The following FAM168B variants were observed in gnomAD, a reference collection of about 807,000 sequenced individuals.
FAM168B encodes myelin-associated neurite-outgrowth inhibitor.
In FAM168B, 19 loss-of-function variants were observed where a neutral mutation model predicts 21.8. The observed-to-expected ratio is 0.87, with a 90% confidence interval of 0.61 to 1.28. FAM168B has a LOEUF of 1.28. Ranked by LOEUF, FAM168B falls within the 50% of genes most tolerant of loss-of-function variation. FAM168B has a pLI of 0.00. For missense variants in FAM168B, 233 were observed against 263.1 expected (o/e 0.89, Z 0.79); for synonymous variants, 126 against 104.8 (o/e 1.20, Z -1.24).
intron 1 of FAM168B, 25 bp from the exon 2 acceptor site, chr2:131,082,682 G>A: frequency 6.6e-7 from 1 of 1,513,724 alleles, no homozygotes; most frequent in Non-Finnish European, 9.0e-7. Context: ...AGGGAATTTA[G>A]CCAAGCACTT....
chr2:131,051,808 G>T lies in FAM168B; in HGVS notation c.*657C>A. On this transcript the variant is annotated 3_prime_UTR_variant, in exon 7 of 7. Transcript: ENST00000389915. ...ACTCCACCAAGCCTAAACTCAAAGG[G>T]ATGTCCATGAACCAGCTGCACCCAA... 1.0e-6 allele frequency: 1 copy of T among 985,360 alleles called. No individual in the cohort carries two copies. The highest frequency in any genetic ancestry group is 1.2e-6 in the Non-Finnish European group (1 of 829,940). 61.0% of individuals were successfully genotyped at this position (985,360 alleles called of 1,614,324 possible). A position where few individuals can be genotyped will look rare whatever the true frequency, so the allele number is the denominator to read the frequency against.
chr2:131,082,267 C>T (rs1693462753), intron 2 of FAM168B, among the ~76,000 whole-genome samples: 1 of 152,152 alleles, frequency 6.6e-6, no homozygotes, highest in South Asian at 2.1e-4. Flanking sequence ...TGAGGGACTA[C>T]TGGGAGGGGC....
rs569149527 is a variant in FAM168B at position 131,065,055 on chromosome 2, T to C, written c.154+6800A>G. On this transcript the variant is annotated intron_variant, in intron 3 of 6. Transcript: ENST00000389915. ...CAGAAGACACAGCCGTGAACAGTGC[T>C]GATGCGGCCACAATAATAGAACTGT... Among the ~76,000 whole-genome samples the C allele has an allele frequency of 5.3e-5, 8 of 152,306 alleles. No individual in the cohort carries two copies. In the East Asian group the frequency reaches 1.2e-3, roughly 22 times the overall value.
chr2:131,091,641 C>T (rs1226003961), intron 1 of FAM168B, among the ~76,000 whole-genome samples: 1 of 150,620 alleles, frequency 6.6e-6, no homozygotes, highest in Non-Finnish European at 1.5e-5. Flanking sequence ...AGCGACACTC[C>T]GTCTCACAAA....
intron 2 of FAM168B, among the ~76,000 whole-genome samples, chr2:131,073,619 G>A (rs1185952684): frequency 6.6e-6 from 1 of 152,078 alleles, no homozygotes; most frequent in Admixed American, 6.6e-5. Flanking sequence ...ATCACAAGAG[G>A]ATAGAGCCCA....
At chr2:131,076,310 G>C (rs975055673) in intron 2 of FAM168B, among the ~76,000 whole-genome samples, 4 of 152,064 alleles carry the variant, frequency 2.6e-5, no homozygotes, top group Non-Finnish European at 4.4e-5. Context: ...GGCTGGAAAG[G>C]CCAGACTCCC....
At chr2:131,060,485 A>AT (rs1384883239) in intron 3 of FAM168B, among the ~76,000 whole-genome samples, 1 of 152,238 alleles carries the variant, frequency 6.6e-6, no homozygotes, top group Non-Finnish European at 1.5e-5. Flanking sequence ...ATTGAAAGAG[A>AT]TAAGAGACAT....
At chr2:131,064,624 A>T (rs964974931) in intron 3 of FAM168B, among the ~76,000 whole-genome samples, 16 of 152,232 alleles carry the variant, frequency 1.1e-4, no homozygotes, top group Admixed American at 4.6e-4. Context: ...GGAAAATCTC[A>T]AAATTGTGAC....
At position 131,093,408 on chromosome 2, in the gene FAM168B, T is replaced by G. The variant is rs1694140894; in HGVS notation, c.-206A>C. On this transcript the variant is annotated 5_prime_UTR_variant, in exon 1 of 7. Coordinates refer to ENST00000389915, the MANE Select transcript of FAM168B (RefSeq NM_001009993.4). ...TCGGCTCCGCTTGGCCCGGCCCGCC[T>G]CTCCGCAGCCCGCGCTCCCCGCCGA... The G allele has an allele frequency of 6.6e-6, 1 of 150,776 alleles. No homozygotes were observed. Among genetic ancestry groups the G allele is most frequent in the East Asian group, 2.0e-4 (1 of 5,098 alleles). The allele number at this position is 150,776 out of a possible 1,614,324, so 9.3% of individuals were successfully genotyped here. A position where few individuals can be genotyped will look rare whatever the true frequency, so the allele number is the denominator to read the frequency against.
intron 2 of FAM168B, among the ~76,000 whole-genome samples, chr2:131,080,196 T>G (rs192994262): frequency 6.6e-6 from 1 of 150,888 alleles, no homozygotes; most frequent in Non-Finnish European, 1.5e-5. Context: ...GAGAAAGCAA[T>G]GAAGAGCACC....
chr2:131,087,639 G>C (rs1693782637), intron 1 of FAM168B, among the ~76,000 whole-genome samples: 1 of 152,136 alleles, frequency 6.6e-6, no homozygotes, highest in Admixed American at 6.5e-5. Flanking sequence ...AGATGATTGT[G>C]GAGACACAGC....
At position 131,075,710 on chromosome 2, in the gene FAM168B, G is replaced by A. The variant is rs568184736; in HGVS notation, c.71-3772C>T. Among the ~76,000 whole-genome samples the A allele has an allele frequency of 3.3e-5, 5 of 152,042 alleles. No homozygotes were observed. The East Asian group carries it at 5.8e-4, about 18-fold the overall frequency. On this transcript the variant is annotated intron_variant, in intron 2 of 6. Coordinates refer to ENST00000389915, the MANE Select transcript of FAM168B (RefSeq NM_001009993.4). ...TCACCATGTTAGCCAGGATGGTCTC[G>A]ATCTACATACCTCGTGATCCGCCCA...
chr2:131,090,770 C>G (rs767003459), intron 1 of FAM168B, among the ~76,000 whole-genome samples: 1 of 152,046 alleles, frequency 6.6e-6, no homozygotes. Flanking sequence ...GCTTTGTTGC[C>G]CAGGCTGGAG....
intron 3 of FAM168B, 104 bp downstream of exon 3, chr2:131,071,751 C>T: frequency 1.0e-6 from 1 of 972,392 alleles, no homozygotes; most frequent in East Asian, 2.5e-5. Context: ...CTTGAGAAAT[C>T]GACTCAACCA....
chr2:131,067,815 T>C (rs1454260523), intron 3 of FAM168B, among the ~76,000 whole-genome samples: 1 of 152,006 alleles, frequency 6.6e-6, no homozygotes, highest in Non-Finnish European at 1.5e-5. Flanking sequence ...ACTTCTCTTT[T>C]AAATTTTTTA....
chr2:131,070,498 CAA>C, intron 3 of FAM168B, among the ~76,000 whole-genome samples: 1 of 152,260 alleles, frequency 6.6e-6, no homozygotes, highest in South Asian at 2.1e-4. Flanking sequence ...CAGTTTCTCA[CAA>C]AGTTAAATAT....
chr2:131,083,664 A>G (rs904574298), intron 1 of FAM168B, among the ~76,000 whole-genome samples: 1 of 152,284 alleles, frequency 6.6e-6, no homozygotes, highest in Non-Finnish European at 1.5e-5. Flanking sequence ...AAATGTTTAA[A>G]AACAGAATAA....
chr2:131,055,265 G>A lies in FAM168B; in HGVS notation c.475+7C>T, dbSNP rs995389444. On this transcript the variant is annotated splice_region_variant and intron_variant, in intron 5 of 6. Transcript: ENST00000389915. The stretch of plus-strand genomic sequence containing the variant: ...ATAGGACAGACACCGCAGGAACGAG[G>A]ACTTACCTGCTGACATGGCCATGGT... 3 of 1,551,160 alleles carry A rather than the reference G, an allele frequency of 1.9e-6. No individual in the cohort carries two copies. In the African/African-American group the frequency reaches 4.2e-5, roughly 22 times the overall value.
chr2:131,072,505 T>G (rs1381608445), intron 2 of FAM168B, among the ~76,000 whole-genome samples: 1 of 150,968 alleles, frequency 6.6e-6, no homozygotes, highest in African/African-American at 2.4e-5. Context: ...TCACTCTTGT[T>G]GCCCAGGCTA....
Sources: allele counts gnomAD v4.1 joint callset (sites outside exome capture counted in the v4.1 genomes callset), GRCh38; gene constraint gnomAD v4.1.1; transcripts MANE v1.5; gene names NCBI Gene and HGNC (gene_info 2026-07-23, HGNC 2026-07-21).